The following AHR variants were observed in gnomAD, a reference collection of about 807,000 sequenced individuals.
AHR encodes AH-receptor.
Under a neutral mutation model 86.8 loss-of-function variants are expected in AHR, and 40 were observed. That is an observed-to-expected ratio of 0.46 (90% confidence interval 0.36 to 0.60). The LOEUF is 0.60. Ranked by LOEUF, AHR falls within the 20% of genes least tolerant of loss-of-function variation. AHR has a pLI of 0.00. For missense variants in AHR, 1,001 were observed against 1,011.6 expected, an observed-to-expected ratio of 0.99 and a Z score of 0.14; for synonymous variants, 398 against 354.9, an observed-to-expected ratio of 1.12 and a Z score of -1.37.
At chr7:17,322,818 C>T (rs1483414369) in intron 3 of AHR, among the ~76,000 whole-genome samples, 1 of 152,022 alleles carries the variant, frequency 6.6e-6, no homozygotes, top group Non-Finnish European at 1.5e-5. Context: ...TAACAACAGA[C>T]CACATATGCG....
At chr7:17,311,696 A>G (rs1311144900) in intron 2 of AHR, among the ~76,000 whole-genome samples, 1 of 152,196 alleles carries the variant, frequency 6.6e-6, no homozygotes, top group Non-Finnish European at 1.5e-5. Context: ...TGACCTATAT[A>G]AAAAGTGTTT....
At chr7:17,303,600 C>G (rs1781975645) in intron 1 of AHR, among the ~76,000 whole-genome samples, 1 of 152,016 alleles carries the variant, frequency 6.6e-6, no homozygotes, top group South Asian at 2.1e-4. Context: ...TTTTTAAAGG[C>G]TGCATAATAC....
At position 17,304,712 on chromosome 7, in the gene AHR, G is replaced by C. The variant is rs544193788; in HGVS notation, c.66-5224G>C. On this transcript the variant is annotated intron_variant, in intron 1 of 10. Transcript: ENST00000242057. ...ATGTTATAAAATATATTTCCTCCTA[G>C]TAGGAAAAAGAATGTCTTTAAAGAT... Among the ~76,000 whole-genome samples, 4 of 152,162 alleles carry C rather than the reference G, an allele frequency of 2.6e-5. 1 individual carries two copies. The South Asian group carries it at 8.3e-4, about 32-fold the overall frequency.
chr7:17,319,806 G>A (rs1353998703), intron 2 of AHR, among the ~76,000 whole-genome samples: 1 of 152,046 alleles, frequency 6.6e-6, no homozygotes, highest in South Asian at 2.1e-4. Flanking sequence ...ACTTCATGCA[G>A]GGGTAGACAT....
chr7:17,320,608 G>A (rs1180518854), intron 2 of AHR, among the ~76,000 whole-genome samples: 2 of 152,036 alleles, frequency 1.3e-5, no homozygotes, highest in African/African-American at 4.8e-5. Context: ...AGAGCTTTTA[G>A]AAAAGTAACA....
chr7:17,337,388 T>A (rs188979777), intron 9 of AHR, among the ~76,000 whole-genome samples: 1 of 152,186 alleles, frequency 6.6e-6, no homozygotes, highest in African/African-American at 2.4e-5. Flanking sequence ...TTTGTATACA[T>A]TTGTTGATAT....
At chr7:17,308,759 G>A (rs1212651623) in intron 1 of AHR, among the ~76,000 whole-genome samples, 1 of 151,450 alleles carries the variant, frequency 6.6e-6, no homozygotes, top group Non-Finnish European at 1.5e-5. Context: ...TACCTTTTTT[G>A]TAGAAGTATT....
chr7:17,339,220 G>T lies in AHR; in HGVS notation c.1395G>T (p.Glu465Asp), dbSNP rs781613408. The change falls in exon 10 of 11, where the codon GAG becomes GAT. Residue 465 changes from glutamate to aspartate, a missense_variant. Transcript: ENST00000242057. The stretch of plus-strand genomic sequence containing the variant: ...TGGCTGCCATGATGCAACAAGATGA[G>T]TCTATTTATCTCTATCCTGCTTCAA... ...SLLAAMMQQD[E>D]SIYLYPASST... is the part of the protein sequence containing the mutation. 6.2e-6 allele frequency: 10 copies of T among 1,614,068 alleles called. No homozygotes were observed. In the African/African-American group the frequency reaches 1.1e-4, roughly 17 times the overall value.
intron 6 of AHR, among the ~76,000 whole-genome samples, chr7:17,333,518 G>C (rs566084227): frequency 6.6e-6 from 1 of 152,010 alleles, no homozygotes; most frequent in South Asian, 2.1e-4. Flanking sequence ...TATGAGCTGT[G>C]ATATAGTTCA....
chr7:17,332,865 C>T (rs1022099101), intron 6 of AHR, among the ~76,000 whole-genome samples: 8 of 151,934 alleles, frequency 5.3e-5, no homozygotes, highest in South Asian at 2.1e-4. Context: ...CATTCACTCA[C>T]CACTCACTCA....
rs1173317152 is a variant in AHR at position 17,323,263 on chromosome 7, T to C, written c.360+656T>C. 5.9e-5 allele frequency among the ~76,000 whole-genome samples: 9 copies of C among 152,286 alleles called. No homozygotes were observed. The East Asian group carries it at 1.5e-3, about 26-fold the overall frequency. On this transcript the variant is annotated intron_variant, in intron 3 of 10. Transcript: ENST00000242057. The stretch of plus-strand genomic sequence containing the variant: ...TGGAATGTATCTCTATTAAAATTGT[T>C]AAATGCATTTCTTAAATAGTTTAAA...
intron 1 of AHR, among the ~76,000 whole-genome samples, chr7:17,301,587 T>G (rs1326314614): frequency 6.6e-6 from 1 of 151,944 alleles, no homozygotes; most frequent in Non-Finnish European, 1.5e-5. Flanking sequence ...AATATAAGTA[T>G]TCCATAAAAT....
chr7:17,338,060 G>A (rs950384419), intron 9 of AHR, among the ~76,000 whole-genome samples: 43 of 151,312 alleles, frequency 2.8e-4, no homozygotes, highest in African/African-American at 9.9e-4. Context: ...TTAGCCGGGC[G>A]TTGTAGCGGG....
At position 17,310,004 on chromosome 7, in the gene AHR, CAG is replaced by C; in HGVS notation, c.137_138del (p.Glu46ValfsTer6). ...AAGCGGCATAGAGACCGACTTAATA[CAG>C]AGTTGGACCGTTTGGCTAGCCTGCT... On this transcript the variant is annotated frameshift_variant, in exon 2 of 11. Coordinates refer to ENST00000242057, the MANE Select transcript of AHR (RefSeq NM_001621.5). LOFTEE classifies it high-confidence loss of function. The C allele has an allele frequency of 1.2e-6, 2 of 1,613,090 alleles. No homozygotes were observed. Among genetic ancestry groups the C allele is most frequent in the Non-Finnish European group, 1.7e-6 (2 of 1,179,306 alleles).
rs755207091 is a variant in AHR, at chr7:17,339,110, C to G, written c.1285C>G (p.Leu429Val). Residue 429 changes from leucine (L) to valine (V), a missense_variant, in exon 10 of 11, where the codon CTA becomes GTA. Leu to Val is a conservative substitution (Grantham distance 32). Coordinates refer to ENST00000242057, the MANE Select transcript of AHR (RefSeq NM_001621.5). Reference sequence around the variant, plus strand: ...TCCTGCCATAATGGATCCCTTACCACTAAGGACTAAAAATGGCACTAGTGG... The same window carrying G: ...TCCTGCCATAATGGATCCCTTACCAGTAAGGACTAAAAATGGCACTAGTGG... ...PFPAIMDPLP[L>V]RTKNGTSGKD... 1.2e-6 allele frequency: 2 copies of G among 1,614,138 alleles called. No homozygotes were observed. Among genetic ancestry groups the G allele is most frequent in the Non-Finnish European group, 1.7e-6 (2 of 1,180,022 alleles).
intron 6 of AHR, among the ~76,000 whole-genome samples, chr7:17,333,298 A>T (rs1782319938): frequency 6.6e-6 from 1 of 151,890 alleles, no homozygotes; most frequent in African/African-American, 2.4e-5. Context: ...TGTCAGAACC[A>T]TCCCTTGGAC....
intron 9 of AHR, 79 bp from the exon 10 acceptor site, chr7:17,338,907 G>GTT: frequency 7.5e-7 from 1 of 1,342,238 alleles, no homozygotes; most frequent in Non-Finnish European, 1.0e-6. Flanking sequence ...TTTGCTTTAT[G>GTT]TTTTTCTTTT....
Position 17,333,946 on chromosome 7 carries a change from A to G in AHR, c.740A>G (p.His247Arg), listed in dbSNP as rs752519254. 5 of 1,613,342 alleles carry G rather than the reference A, an allele frequency of 3.1e-6. No homozygotes were observed. Among genetic ancestry groups the G allele is most frequent in the Non-Finnish European group, 4.2e-6 (5 of 1,179,404 alleles). ...TTCCAAGGGAAGTTAAAGTATCTTC[A>G]TGGACAGAAAAAGAAAGGGAAAGAT... ...MNFQGKLKYL[H>R]GQKKKGKDGS... Residue 247 changes from histidine to arginine, a missense_variant, in exon 7 of 11, where the codon CAT becomes CGT. Transcript: ENST00000242057.
Position 17,310,132 on chromosome 7 carries a change from GA to G in AHR, c.253+11del, listed in dbSNP as rs1376935119. ...CAAGAGCTTCTTTGATGGTAAGACA[GA>G]AGGGTTTAATTTGTCTACAATAACG... On this transcript the variant is annotated intron_variant, in intron 2 of 10. Coordinates refer to ENST00000242057, the MANE Select transcript of AHR (RefSeq NM_001621.5). 5 of 1,609,904 alleles carry G rather than the reference GA, an allele frequency of 3.1e-6. No individual in the cohort carries two copies. Among genetic ancestry groups the G allele is most frequent in the Middle Eastern group, 1.7e-4 (1 of 6,032 alleles).
Sources: gnomAD v4.1 joint callset for allele counts (sites outside exome capture counted in the v4.1 genomes callset) on GRCh38, gnomAD v4.1.1 for gene constraint, MANE v1.5 for transcripts, NCBI Gene and HGNC (gene_info 2026-07-23, HGNC 2026-07-21) for gene names.